TNFAIP8: variants seen among roughly 807,000 people sequenced by gnomAD.
TNFAIP8 encodes tumor necrosis factor alpha-induced protein 8.
A neutral mutation model predicts 13.3 loss-of-function variants in TNFAIP8; 7 were observed. That is an observed-to-expected ratio of 0.52 (90% CI 0.30 to 0.99). The LOEUF (loss-of-function observed/expected upper bound fraction) is 0.99. Ranked by LOEUF, TNFAIP8 falls within the 50% of genes least tolerant of loss-of-function variation. TNFAIP8 has a pLI of 0.07. For synonymous variants in TNFAIP8, 94 were observed against 87.6 expected (o/e 1.07, Z -0.41); for missense variants, 258 against 236.9 (o/e 1.09, Z -0.58).
chr5:119,279,561 T>C (rs1378669035), intron 1 of TNFAIP8, among the ~76,000 whole-genome samples: 1 of 152,118 alleles, frequency 6.6e-6, no homozygotes, highest in Non-Finnish European at 1.5e-5. Flanking sequence ...GTTATTTTAT[T>C]TTTTTTATTT....
intron 1 of TNFAIP8, among the ~76,000 whole-genome samples, chr5:119,299,579 G>C (rs1364152970): frequency 6.6e-6 from 1 of 152,198 alleles, no homozygotes; most frequent in Non-Finnish European, 1.5e-5. Context: ...TCGTGAGGAG[G>C]CAGTCTGTCC....
Position 119,380,825 on chromosome 5 carries a change from T to C in TNFAIP8, c.32-11991T>C, listed in dbSNP as rs77907205. Among the ~76,000 whole-genome samples, 1,345 of 152,346 alleles carry C rather than the reference T, an allele frequency of 8.8e-3. 27 individuals carry two copies. The highest frequency in any genetic ancestry group is 0.03 in the African/African-American group (1,260 of 41,574). Reference sequence around the variant, plus strand: ...AACTTTTCTATTCTCTTGGATACTTTATCAAATTTTTTTAAATGTTTAATA... The same window carrying C: ...AACTTTTCTATTCTCTTGGATACTTCATCAAATTTTTTTAAATGTTTAATA... On this transcript the variant is annotated intron_variant, in intron 1 of 1. Transcript: ENST00000504771.
intron 1 of TNFAIP8, among the ~76,000 whole-genome samples, chr5:119,361,840 G>C (rs1386874693): frequency 6.6e-6 from 1 of 152,200 alleles, no homozygotes; most frequent in Non-Finnish European, 1.5e-5. Flanking sequence ...GTCATGGACT[G>C]TCCAGTAGAC....
intron 1 of TNFAIP8, among the ~76,000 whole-genome samples, chr5:119,304,889 C>G (rs180931832): frequency 1.3e-5 from 2 of 152,260 alleles, no homozygotes; most frequent in Non-Finnish European, 1.5e-5. Flanking sequence ...TGTACCAGAA[C>G]AGAAAAGTCC....
intron 1 of TNFAIP8, among the ~76,000 whole-genome samples, chr5:119,292,148 G>T (rs1441038746): frequency 6.6e-6 from 1 of 152,122 alleles, no homozygotes; most frequent in African/African-American, 2.4e-5. Flanking sequence ...GGGAGTAGGG[G>T]TGGGAAAGTC....
chr5:119,372,758 G>A (rs754661140), intron 1 of TNFAIP8, among the ~76,000 whole-genome samples: 28 of 152,240 alleles, frequency 1.8e-4, no homozygotes, highest in African/African-American at 3.9e-4. Flanking sequence ...TCAGGAGTTC[G>A]AGACCAGACT....
At chr5:119,382,241 C>T (rs1286917902) in intron 1 of TNFAIP8, among the ~76,000 whole-genome samples, 2 of 152,194 alleles carry the variant, frequency 1.3e-5, no homozygotes, top group African/African-American at 4.8e-5. Context: ...TCAGCAAAAA[C>T]TAATGTTTCC....
At chr5:119,332,641 G>A (rs1028153865) in intron 1 of TNFAIP8, among the ~76,000 whole-genome samples, 1 of 152,158 alleles carries the variant, frequency 6.6e-6, no homozygotes, top group Non-Finnish European at 1.5e-5. Flanking sequence ...TGCAGTAGGG[G>A]CTAAAGGAAG....
In TNFAIP8 at chr5:119,371,011, T is replaced by C. The variant is rs1236167477; in HGVS notation, c.31+14890T>C. On this transcript the variant is annotated intron_variant, in intron 1 of 1. Coordinates refer to ENST00000504771, the MANE Select transcript of TNFAIP8 (RefSeq NM_014350.4). ...AACTTAATGGAAGAAAATTACTTCA[T>C]AGATGCTAGACATTCAAGAATTAAA... Among the ~76,000 whole-genome samples, 3 of 152,236 alleles carry C rather than the reference T, an allele frequency of 2.0e-5. No individual in the cohort carries two copies. In the East Asian group the frequency reaches 5.8e-4, roughly 29 times the overall value.
At position 119,397,516 on chromosome 5, in the gene TNFAIP8, T is replaced by A. The variant is rs769776877; in HGVS notation, c.*4135T>A. On this transcript the variant is annotated 3_prime_UTR_variant, in exon 2 of 2. Coordinates refer to ENST00000504771, the MANE Select transcript of TNFAIP8 (RefSeq NM_014350.4). The stretch of plus-strand genomic sequence containing the variant: ...GTGTTTTACTTGATATATTGCATTC[T>A]TGAGCATTAGGCTTCTAGGTGATTT... The A allele has an allele frequency of 1.1e-4, 16 of 152,236 alleles. No individual in the cohort carries two copies. The highest frequency in any genetic ancestry group is 2.4e-4 in the Non-Finnish European group (16 of 68,034). 9.4% of individuals were successfully genotyped at this position (152,236 alleles called of 1,614,324 possible).
intron 1 of TNFAIP8, among the ~76,000 whole-genome samples, chr5:119,374,738 G>T (rs1193544358): frequency 6.6e-6 from 1 of 152,156 alleles, no homozygotes; most frequent in Non-Finnish European, 1.5e-5. Flanking sequence ...CCCAAGTGCT[G>T]GAATGGCCGG....
intron 1 of TNFAIP8, among the ~76,000 whole-genome samples, chr5:119,322,085 A>C: frequency 6.6e-6 from 1 of 151,546 alleles, no homozygotes; most frequent in East Asian, 1.9e-4. Context: ...TCTCTCTCTA[A>C]TTTTTCTCAG....
chr5:119,386,447 G>A (rs1752676015), intron 1 of TNFAIP8, among the ~76,000 whole-genome samples: 1 of 152,180 alleles, frequency 6.6e-6, no homozygotes, highest in Non-Finnish European at 1.5e-5. Context: ...ATAGCTAAGC[G>A]AAGGACAATA....
At chr5:119,351,757 T>C (rs892963828), upstream of TNFAIP8, among the ~76,000 whole-genome samples, 4 of 151,810 alleles carry the variant, frequency 2.6e-5, no homozygotes, top group Non-Finnish European at 5.9e-5. Flanking sequence ...ACAATTTTCT[T>C]TTTTCTTTTT....
At chr5:119,316,479 C>T (rs1005189551) in intron 1 of TNFAIP8, among the ~76,000 whole-genome samples, 1 of 152,146 alleles carries the variant, frequency 6.6e-6, no homozygotes, top group African/African-American at 2.4e-5. Context: ...CTTTCTATGT[C>T]CCCTAATCAT....
chr5:119,295,455 T>C (rs1179303029), intron 1 of TNFAIP8, among the ~76,000 whole-genome samples: 1 of 152,046 alleles, frequency 6.6e-6, no homozygotes, highest in African/African-American at 2.4e-5. Flanking sequence ...TGCGGCGTTA[T>C]TTCTGAGGGC....
At chr5:119,383,322 T>G (rs1404125940) in intron 1 of TNFAIP8, among the ~76,000 whole-genome samples, 1 of 152,216 alleles carries the variant, frequency 6.6e-6, no homozygotes, top group Non-Finnish European at 1.5e-5. Flanking sequence ...CATGGTGTAA[T>G]TACTAACAGC....
Position 119,393,240 on chromosome 5 carries a change from T to C in TNFAIP8, c.456T>C (p.His152=), listed in dbSNP as rs771426235. 1 of 1,614,002 alleles carries C rather than the reference T, an allele frequency of 6.2e-7. No homozygotes were observed. The highest frequency in any genetic ancestry group is 8.5e-7 in the Non-Finnish European group (1 of 1,179,886). The change falls in exon 2 of 2, where the codon CAT becomes CAC. Residue 152 remains histidine (H), a synonymous_variant. Transcript: ENST00000504771. ...AGCGCCACCTCACTGCCAAGTCACA[T>C]GGACGGGTTAATAATGTGTTTGATC... ...IIQRHLTAKS[H]GRVNNVFDHF... is the part of the protein sequence containing the mutation.
At chr5:119,365,950 A>T (rs992914546) in intron 1 of TNFAIP8, among the ~76,000 whole-genome samples, 1 of 152,086 alleles carries the variant, frequency 6.6e-6, no homozygotes, top group Non-Finnish European at 1.5e-5. Context: ...TAGCAAAGAA[A>T]GTTAAGGGAG....
Sources: gnomAD v4.1 joint callset for allele counts (sites outside exome capture counted in the v4.1 genomes callset) on GRCh38, gnomAD v4.1.1 for gene constraint, MANE v1.5 for transcripts, NCBI Gene and HGNC (gene_info 2026-07-23, HGNC 2026-07-21) for gene names.